Variants in KIRREL1 observed in about 807,000 individuals in gnomAD.
The protein encoded by KIRREL1 is kirre like nephrin family adhesion molecule 1.
KIRREL1 carries 25 observed loss-of-function variants against 83.3 expected under a neutral mutation model. That is an observed-to-expected ratio of 0.30 (90% CI 0.22 to 0.42). The LOEUF (loss-of-function observed/expected upper bound fraction) is 0.42. Among genes scored for constraint, KIRREL1 ranks in the 10% least tolerant of loss-of-function variants. KIRREL1 has a pLI of 1.00. For synonymous variants in KIRREL1, 388 were observed against 410.4 expected (o/e 0.95, Z 0.66); for missense variants, 812 against 1,032.3 (o/e 0.79, Z 2.92).
In KIRREL1 at chr1:158,023,357, T is replaced by C. The variant is rs1293568482; in HGVS notation, c.52+29629T>C. On this transcript the variant is annotated intron_variant, in intron 1 of 14. Transcript: ENST00000359209. ...TTAGTTTCAATTCAGCAAGCATTTA[T>C]TGAGTGCCAGGCACTGTTCAGTGCT... Among the ~76,000 whole-genome samples, 13 of 152,194 alleles carry C rather than the reference T, an allele frequency of 8.5e-5. No individual in the cohort carries two copies. The East Asian group carries it at 2.3e-3, about 27-fold the overall frequency.
At chr1:158,040,942 T>C (rs896947697) in intron 1 of KIRREL1, among the ~76,000 whole-genome samples, 4 of 152,078 alleles carry the variant, frequency 2.6e-5, no homozygotes, top group Non-Finnish European at 5.9e-5. Flanking sequence ...AATCTTGTGT[T>C]TTAGGATAAC....
At chr1:157,994,751 A>C (rs1467182253) in intron 1 of KIRREL1, among the ~76,000 whole-genome samples, 4 of 152,084 alleles carry the variant, frequency 2.6e-5, no homozygotes, top group African/African-American at 9.7e-5. Context: ...TAAAACACTC[A>C]CAGACACTGA....
intron 1 of KIRREL1, among the ~76,000 whole-genome samples, chr1:158,074,922 G>A (rs1227551846): frequency 6.6e-6 from 1 of 152,212 alleles, no homozygotes; most frequent in Non-Finnish European, 1.5e-5. Flanking sequence ...TTCATGAGCT[G>A]TGGAGGGAAA....
rs1018032074 is a variant in KIRREL1, at chr1:158,096,163, G to C, written c.*1043G>C. 5.6e-6 allele frequency: 1 copy of C among 177,936 alleles called. No individual in the cohort carries two copies. The highest frequency in any genetic ancestry group is 2.4e-5 in the African/African-American group (1 of 42,072). 11.0% of individuals were successfully genotyped at this position (177,936 alleles called of 1,614,324 possible). A position where few individuals can be genotyped will look rare whatever the true frequency, so the allele number is the denominator to read the frequency against. On this transcript the variant is annotated 3_prime_UTR_variant, in exon 15 of 15. Transcript: ENST00000359209. ...GGTAGTACCTATTCTTCTCCATGGGGTTCCTAACACCCTCCATTACTCTTT... is the reference window on the plus strand; with the variant it reads ...GGTAGTACCTATTCTTCTCCATGGGCTTCCTAACACCCTCCATTACTCTTT...
intron 1 of KIRREL1, among the ~76,000 whole-genome samples, chr1:158,071,442 A>G (rs372715058): frequency 2.9e-4 from 44 of 152,200 alleles, no homozygotes; most frequent in African/African-American, 1.0e-3. Flanking sequence ...ACTGCTTAAG[A>G]GCTCACCACA....
At chr1:158,003,801 GAA>G (rs5778061) in intron 1 of KIRREL1, among the ~76,000 whole-genome samples, 23,888 of 147,824 alleles carry the variant, frequency 0.16, 1,889 homozygotes, top group Non-Finnish European at 0.2. Flanking sequence ...CTCTGACTTT[GAA>G]AAAAAAAAAA....
intron 1 of KIRREL1, among the ~76,000 whole-genome samples, chr1:158,008,116 C>T (rs574258632): frequency 8.5e-5 from 13 of 152,106 alleles, no homozygotes; most frequent in African/African-American, 2.2e-4. Context: ...CTCCTGGGCA[C>T]GCAGCTCATT....
intron 1 of KIRREL1, among the ~76,000 whole-genome samples, chr1:158,009,476 C>T (rs1659609171): frequency 6.6e-6 from 1 of 152,138 alleles, no homozygotes; most frequent in African/African-American, 2.4e-5. Flanking sequence ...TTACTACTAC[C>T]ATTATTATTA....
chr1:158,022,776 C>G (rs1447155739), intron 1 of KIRREL1, among the ~76,000 whole-genome samples: 4 of 152,174 alleles, frequency 2.6e-5, no homozygotes, highest in Admixed American at 2.6e-4. Flanking sequence ...GCAAGTACCA[C>G]TCTGCCAGCT....
At chr1:158,052,290 C>T (rs1349067139) in intron 1 of KIRREL1, among the ~76,000 whole-genome samples, 4 of 152,220 alleles carry the variant, frequency 2.6e-5, no homozygotes, top group South Asian at 2.1e-4. Flanking sequence ...GGAACTGTCC[C>T]GCTCCCAGCC....
At chr1:158,079,329 G>C (rs1453897436) in intron 3 of KIRREL1, among the ~76,000 whole-genome samples, 1 of 152,068 alleles carries the variant, frequency 6.6e-6, no homozygotes, top group East Asian at 1.9e-4. Flanking sequence ...TGGTTGATTG[G>C]TTGGTGTTTT....
In KIRREL1 at chr1:158,094,216, C is replaced by T; in HGVS notation, c.1720-97C>T. 9.9e-7 allele frequency: 1 copy of T among 1,013,198 alleles called. No individual in the cohort carries two copies. Among genetic ancestry groups the T allele is most frequent in the South Asian group, 1.4e-5 (1 of 72,718 alleles). The allele number at this position is 1,013,198 out of a possible 1,614,324, so 62.8% of individuals were successfully genotyped here. A position where few individuals can be genotyped will look rare whatever the true frequency, so the allele number is the denominator to read the frequency against. ...GTCTGCCCTTGACCTCAGACCCCACCCATGAGCAGGTGGCCTCTGAGCGTG... is the reference window on the plus strand; with the variant it reads ...GTCTGCCCTTGACCTCAGACCCCACTCATGAGCAGGTGGCCTCTGAGCGTG... On this transcript the variant is annotated intron_variant, in intron 13 of 14. Coordinates refer to ENST00000359209, the MANE Select transcript of KIRREL1 (RefSeq NM_018240.7). This position sits in a 1 kb window ranked among gnomAD's most constrained non-coding sequence, Gnocchi z 4.6.
At chr1:158,070,040 T>C (rs1182386102) in intron 1 of KIRREL1, among the ~76,000 whole-genome samples, 1 of 151,906 alleles carries the variant, frequency 6.6e-6, no homozygotes, top group African/African-American at 2.4e-5. Context: ...TAGGGACATC[T>C]AGACCAAGTC....
At chr1:158,054,977 A>G (rs1661012823) in intron 1 of KIRREL1, among the ~76,000 whole-genome samples, 1 of 152,154 alleles carries the variant, frequency 6.6e-6, no homozygotes, top group South Asian at 2.1e-4. Flanking sequence ...GGCACCAAGC[A>G]TCTTCAGACT....
At chr1:158,085,204 C>T (rs923068748) in intron 4 of KIRREL1, among the ~76,000 whole-genome samples, 2 of 152,206 alleles carry the variant, frequency 1.3e-5, no homozygotes, top group Admixed American at 6.5e-5. Context: ...GACAGTACAG[C>T]TGGAATTCAA....
chr1:158,084,707 C>T (rs1301454675), intron 4 of KIRREL1, 128 bp downstream of exon 4: 1 of 951,406 alleles, frequency 1.1e-6, no homozygotes, highest in Non-Finnish European at 1.5e-6. Flanking sequence ...TCATCTGGTT[C>T]AACCCTCTCA....
intron 1 of KIRREL1, among the ~76,000 whole-genome samples, chr1:158,017,064 A>G (rs1436243135): frequency 1.3e-5 from 2 of 152,172 alleles, no homozygotes; most frequent in Non-Finnish European, 2.9e-5. Flanking sequence ...AGCATTTACT[A>G]TATGTTAGGC....
At chr1:157,998,808 G>T (rs910982106) in intron 1 of KIRREL1, among the ~76,000 whole-genome samples, 1 of 152,196 alleles carries the variant, frequency 6.6e-6, no homozygotes. Context: ...GCCTGGCCTT[G>T]GGTGGTGAAA....
chr1:158,084,040 G>A (rs190803078), intron 3 of KIRREL1, among the ~76,000 whole-genome samples: 1 of 152,288 alleles, frequency 6.6e-6, no homozygotes, highest in Non-Finnish European at 1.5e-5. Context: ...TGGGGCAGGA[G>A]AATCGCTTGA....
Sources: allele counts gnomAD v4.1 joint callset (sites outside exome capture counted in the v4.1 genomes callset), GRCh38; gene constraint gnomAD v4.1.1; non-coding constraint Gnocchi (gnomAD v3.1); transcripts MANE v1.5; gene names NCBI Gene and HGNC (gene_info 2026-07-23, HGNC 2026-07-21).